Variants in RCAN2 observed in about 807,000 individuals in gnomAD.
The protein encoded by RCAN2 is regulator of calcineurin 2, also known as calcipressin-2.
In RCAN2, 9 loss-of-function variants were observed where a neutral mutation model predicts 23.6. That is an observed-to-expected ratio of 0.38 (90% CI 0.23 to 0.67). The LOEUF (loss-of-function observed/expected upper bound fraction) is 0.67. RCAN2 is among the 30% of genes least tolerant of loss of function. The pLI, the probability that RCAN2 is intolerant of heterozygous loss-of-function variation, is 0.51. For synonymous variants in RCAN2, 109 were observed against 115.7 expected (o/e 0.94, Z 0.37); for missense variants, 273 against 302.3 (o/e 0.90, Z 0.72).
intron 2 of RCAN2, among the ~76,000 whole-genome samples, chr6:46,439,840 C>T (rs1561906617): frequency 6.6e-6 from 1 of 152,210 alleles, no homozygotes; most frequent in Non-Finnish European, 1.5e-5. Context: ...ATCACTGCCA[C>T]ATTTATGACA....
chr6:46,357,714 G>A (rs1764881380), intron 2 of RCAN2, among the ~76,000 whole-genome samples: 1 of 152,214 alleles, frequency 6.6e-6, no homozygotes, highest in African/African-American at 2.4e-5. Flanking sequence ...CACACAGCTA[G>A]TACATGTTGA....
At chr6:46,370,097 T>C (rs1289833299) in intron 2 of RCAN2, among the ~76,000 whole-genome samples, 1 of 152,212 alleles carries the variant, frequency 6.6e-6, no homozygotes, top group Non-Finnish European at 1.5e-5. Context: ...GGTTTCTACC[T>C]GGCTACTCAG....
At chr6:46,417,855 C>G (rs1766757404) in intron 2 of RCAN2, among the ~76,000 whole-genome samples, 1 of 152,210 alleles carries the variant, frequency 6.6e-6, no homozygotes, top group Non-Finnish European at 1.5e-5. Context: ...TTTACACACA[C>G]AATTAATTTT....
At position 46,248,899 on chromosome 6, in the gene RCAN2, G is replaced by A. The variant is rs372526925; in HGVS notation, c.226-3C>T. ...CGAAACAGTCCCTCAAATTTTTCCT[G>A]ATAAAAACAAACACAGAGGAAAATC... On this transcript the variant is annotated splice_polypyrimidine_tract_variant and splice_region_variant and intron_variant, in intron 2 of 4. Coordinates refer to ENST00000371374, the MANE Select transcript of RCAN2 (RefSeq NM_001251974.2). 6.9e-6 allele frequency: 11 copies of A among 1,597,094 alleles called. No individual in the cohort carries two copies. The highest frequency in any genetic ancestry group is 9.4e-6 in the Non-Finnish European group (11 of 1,172,286).
In RCAN2 at chr6:46,325,148, C is replaced by T. The variant is rs528587914; in HGVS notation, c.226-76252G>A. On this transcript the variant is annotated intron_variant, in intron 2 of 4. Coordinates refer to ENST00000371374, the MANE Select transcript of RCAN2 (RefSeq NM_001251974.2). Reference sequence around the variant, plus strand: ...AATGTGTCTACTCAGAAAGGACTGACCAGGGATTACCTAATAAAAAAGACA... The same window carrying T: ...AATGTGTCTACTCAGAAAGGACTGATCAGGGATTACCTAATAAAAAAGACA... 2.1e-4 allele frequency among the ~76,000 whole-genome samples: 32 copies of T among 152,228 alleles called. 1 individual carries two copies. In the South Asian group the frequency reaches 6.6e-3, roughly 32 times the overall value.
chr6:46,397,465 T>C (rs1051004828), intron 2 of RCAN2, among the ~76,000 whole-genome samples: 1 of 151,954 alleles, frequency 6.6e-6, no homozygotes, highest in African/African-American at 2.4e-5. Context: ...GTTAAGAGTA[T>C]TATTCTAATG....
In RCAN2 at chr6:46,401,760, T is replaced by C. The variant is rs1027109550; in HGVS notation, c.225+54992A>G. Among the ~76,000 whole-genome samples, 3 of 152,074 alleles carry C rather than the reference T, an allele frequency of 2.0e-5. 1 individual carries two copies. Among genetic ancestry groups the C allele is most frequent in the South Asian group, 4.1e-4 (2 of 4,824 alleles). On this transcript the variant is annotated intron_variant, in intron 2 of 4. Coordinates refer to ENST00000371374, the MANE Select transcript of RCAN2 (RefSeq NM_001251974.2). ...GCAAACTAACTCTAAACCATAGATA[T>C]AGTAATAGTAAAAGCAGGTGCCTTC... is the stretch of plus-strand genomic sequence containing the variant.
chr6:46,415,410 G>A (rs946345460), intron 2 of RCAN2, among the ~76,000 whole-genome samples: 3 of 152,168 alleles, frequency 2.0e-5, no homozygotes, highest in African/African-American at 7.2e-5. Context: ...GGGGAAACAG[G>A]AATGAAGCTG....
intron 4 of RCAN2, among the ~76,000 whole-genome samples, chr6:46,228,147 T>A (rs893361685): frequency 6.6e-6 from 1 of 152,230 alleles, no homozygotes; most frequent in Non-Finnish European, 1.5e-5. Context: ...AGACAGTTTG[T>A]TATAATTTCT....
intron 2 of RCAN2, among the ~76,000 whole-genome samples, chr6:46,259,135 A>G (rs999065538): frequency 6.6e-6 from 1 of 152,112 alleles, no homozygotes; most frequent in Non-Finnish European, 1.5e-5. Flanking sequence ...GCAGTGAGCC[A>G]AGATCATGCC....
chr6:46,375,768 G>T (rs1244635583), intron 2 of RCAN2, among the ~76,000 whole-genome samples: 1 of 152,176 alleles, frequency 6.6e-6, no homozygotes, highest in Non-Finnish European at 1.5e-5. Flanking sequence ...ATATATAAAA[G>T]AATGAGTGTG....
At chr6:46,470,932 T>C (rs1768540016) in intron 1 of RCAN2, among the ~76,000 whole-genome samples, 2 of 152,218 alleles carry the variant, frequency 1.3e-5, no homozygotes, top group African/African-American at 4.8e-5. Context: ...ATTCACCTCA[T>C]TCACCACTCC....
intron 2 of RCAN2, among the ~76,000 whole-genome samples, chr6:46,275,732 A>C (rs1767673204): frequency 6.6e-6 from 1 of 152,182 alleles, no homozygotes; most frequent in African/African-American, 2.4e-5. Context: ...CTTCTCCACT[A>C]TTCCGTCTTA....
At chr6:46,279,318 T>C (rs927126665) in intron 2 of RCAN2, among the ~76,000 whole-genome samples, 2 of 152,168 alleles carry the variant, frequency 1.3e-5, no homozygotes, top group Admixed American at 6.5e-5. Flanking sequence ...GAGTGCCCAA[T>C]TGTCTCCTTC....
intron 2 of RCAN2, among the ~76,000 whole-genome samples, chr6:46,405,134 C>T (rs1457221146): frequency 1.3e-5 from 2 of 152,104 alleles, no homozygotes; most frequent in African/African-American, 4.8e-5. Flanking sequence ...CTTAAGGCGG[C>T]GCATCTGGAG....
At chr6:46,390,331 A>G (rs1765894868) in intron 2 of RCAN2, among the ~76,000 whole-genome samples, 1 of 152,218 alleles carries the variant, frequency 6.6e-6, no homozygotes, top group Non-Finnish European at 1.5e-5. Flanking sequence ...TCTACACATC[A>G]TGGATGAATG....
intron 2 of RCAN2, among the ~76,000 whole-genome samples, chr6:46,267,974 T>C (rs1218913151): frequency 6.6e-6 from 1 of 151,966 alleles, no homozygotes; most frequent in Non-Finnish European, 1.5e-5. Flanking sequence ...TAAAATATTA[T>C]ATAAAAGTAA....
At chr6:46,283,298 T>C (rs993978787) in intron 2 of RCAN2, among the ~76,000 whole-genome samples, 7 of 151,956 alleles carry the variant, frequency 4.6e-5, no homozygotes, top group South Asian at 2.1e-4. Flanking sequence ...ACAACATTAG[T>C]TGGGCATGGT....
intron 2 of RCAN2, among the ~76,000 whole-genome samples, chr6:46,360,482 C>T (rs150719513): frequency 5.1e-4 from 67 of 132,036 alleles, no homozygotes; most frequent in African/African-American, 1.6e-3. Flanking sequence ...TGCAGTCAGC[C>T]GAGATCGTGC....
Sources: allele counts gnomAD v4.1 joint callset (sites outside exome capture counted in the v4.1 genomes callset), GRCh38; gene constraint gnomAD v4.1.1; transcripts MANE v1.5; gene names NCBI Gene and HGNC (gene_info 2026-07-23, HGNC 2026-07-21).